Variants in SORCS2 observed in about 807,000 individuals in gnomAD.
The protein encoded by SORCS2 is VPS10 domain-containing receptor SorCS2.
In SORCS2, 100 loss-of-function variants were observed where a neutral mutation model predicts 141.6. The observed-to-expected ratio is 0.71, with a 90% CI of 0.60 to 0.83. SORCS2 has a LOEUF of 0.83. Among genes scored for constraint, SORCS2 ranks in the 40% least tolerant of loss-of-function variants. SORCS2 has a pLI of 0.00. For synonymous variants in SORCS2, 789 were observed against 676.9 expected, an observed-to-expected ratio of 1.17 and a Z score of -2.57; for missense variants, 1,646 against 1,560.2, an observed-to-expected ratio of 1.05 and a Z score of -0.93.
intron 1 of SORCS2, among the ~76,000 whole-genome samples, chr4:7,266,547 C>T (rs1714744444): frequency 2.0e-5 from 3 of 152,208 alleles, no homozygotes; most frequent in Admixed American, 2.0e-4. Flanking sequence ...CTACCCAAAG[C>T]ATCTGGGGCC....
At chr4:7,535,884 T>G (rs966859409) in intron 3 of SORCS2, among the ~76,000 whole-genome samples, 3 of 152,268 alleles carry the variant, frequency 2.0e-5, no homozygotes, top group Non-Finnish European at 4.4e-5. Context: ...TCAGGCTGCT[T>G]GCTCGTGGCA....
chr4:7,416,262 AG>A (rs1161775488), intron 2 of SORCS2, among the ~76,000 whole-genome samples: 15 of 152,124 alleles, frequency 9.9e-5, no homozygotes, highest in Admixed American at 6.5e-5. Flanking sequence ...AGGAAATTGC[AG>A]GGGTTTAGGG....
intron 2 of SORCS2, among the ~76,000 whole-genome samples, chr4:7,400,537 T>C (rs1724510123): frequency 6.6e-6 from 1 of 152,136 alleles, no homozygotes; most frequent in Non-Finnish European, 1.5e-5. Context: ...CTGCCAGGTT[T>C]ATCTTATTGA....
intron 12 of SORCS2, among the ~76,000 whole-genome samples, 180 bp from the exon 13 acceptor site, chr4:7,703,100 G>A (rs577872782): frequency 2.6e-5 from 4 of 152,192 alleles, no homozygotes; most frequent in Admixed American, 1.3e-4. Flanking sequence ...CGCTGAGTCC[G>A]CGTGGGCTGG....
chr4:7,710,948 G>A (rs537440669), intron 14 of SORCS2, among the ~76,000 whole-genome samples: 151 of 152,332 alleles, frequency 9.9e-4, no homozygotes, highest in African/African-American at 3.5e-3. Context: ...AAGCAGATGG[G>A]ACTGTGAGCC....
intron 2 of SORCS2, among the ~76,000 whole-genome samples, chr4:7,469,502 GA>G (rs1247980206): frequency 6.6e-6 from 1 of 152,232 alleles, no homozygotes; most frequent in Non-Finnish European, 1.5e-5. Flanking sequence ...TGATGTATCA[GA>G]ACCTCCAAAA....
At chr4:7,604,507 C>T (rs567084165) in intron 3 of SORCS2, among the ~76,000 whole-genome samples, 4 of 152,280 alleles carry the variant, frequency 2.6e-5, no homozygotes, top group East Asian at 3.9e-4. Flanking sequence ...TTAGTAGAGA[C>T]GGGGTTTCAC....
At chr4:7,674,590 A>T (rs1219288162) in intron 8 of SORCS2, among the ~76,000 whole-genome samples, 8 of 147,026 alleles carry the variant, frequency 5.4e-5, no homozygotes, top group African/African-American at 1.0e-4. Context: ...AAAAAAAAAA[A>T]AAAAAAAAAA....
intron 3 of SORCS2, among the ~76,000 whole-genome samples, chr4:7,619,499 C>G (rs970528092): frequency 2.6e-5 from 4 of 152,212 alleles, no homozygotes; most frequent in Admixed American, 2.6e-4. Context: ...AGTCCACACT[C>G]AGGGACATGA....
Position 7,718,221 on chromosome 4 carries a change from G to A in SORCS2, c.2424+38G>A, listed in dbSNP as rs766607954. 147 of 1,586,650 alleles carry A rather than the reference G, an allele frequency of 9.3e-5. No homozygotes were observed. The Admixed American group carries it at 2.0e-3, about 21-fold the overall frequency. On this transcript the variant is annotated intron_variant, in intron 18 of 26. Transcript: ENST00000507866. ...CTCCCAGCAGGCTCCTGGGACTGTC[G>A]GGCAGGGGCGGCTCCAACTGGGCAC...
At chr4:7,492,157 C>A (rs1167554663) in intron 2 of SORCS2, among the ~76,000 whole-genome samples, 5 of 152,236 alleles carry the variant, frequency 3.3e-5, no homozygotes, top group African/African-American at 1.2e-4. Flanking sequence ...GACAGCCTGG[C>A]CCTCTCTCCA....
intron 2 of SORCS2, among the ~76,000 whole-genome samples, chr4:7,468,772 G>A (rs1039345888): frequency 8.5e-5 from 13 of 152,182 alleles, no homozygotes; most frequent in African/African-American, 3.1e-4. Context: ...GGGGAGATTA[G>A]GTTTTTGAAA....
intron 1 of SORCS2, among the ~76,000 whole-genome samples, chr4:7,345,215 C>T (rs957221154): frequency 2.6e-5 from 4 of 152,212 alleles, no homozygotes; most frequent in Admixed American, 6.5e-5. Flanking sequence ...TACATCTTCT[C>T]AGTGTCTGCC....
chr4:7,376,195 C>A (rs746659126), intron 1 of SORCS2, among the ~76,000 whole-genome samples: 15 of 151,870 alleles, frequency 9.9e-5, no homozygotes, highest in Non-Finnish European at 1.8e-4. Flanking sequence ...CAAACAGGAT[C>A]TCTTTTGTAG....
intron 1 of SORCS2, among the ~76,000 whole-genome samples, chr4:7,271,464 C>G (rs1715124315): frequency 6.6e-6 from 1 of 152,186 alleles, no homozygotes; most frequent in South Asian, 2.1e-4. Context: ...AATACCCTTC[C>G]CCACTTCCTT....
intron 1 of SORCS2, among the ~76,000 whole-genome samples, chr4:7,229,023 C>T (rs999299738): frequency 6.6e-6 from 1 of 152,216 alleles, no homozygotes; most frequent in Non-Finnish European, 1.5e-5. Flanking sequence ...TGCTCTGCTT[C>T]GTGGCCTGGT....
chr4:7,412,435 A>T (rs1316589032), intron 2 of SORCS2, among the ~76,000 whole-genome samples: 1 of 152,144 alleles, frequency 6.6e-6, no homozygotes, highest in East Asian at 1.9e-4. Flanking sequence ...TCCCTGGCAG[A>T]GTGACAGCCC....
chr4:7,444,612 C>A (rs13147605), intron 2 of SORCS2, among the ~76,000 whole-genome samples: 2 of 152,074 alleles, frequency 1.3e-5, no homozygotes, highest in Non-Finnish European at 2.9e-5. Context: ...GTGGACTCTG[C>A]TTCTTCCTCT....
intron 2 of SORCS2, among the ~76,000 whole-genome samples, chr4:7,477,980 T>C (rs10755154): frequency 0.87 from 132,694 of 152,128 alleles, 58,433 homozygotes; most frequent in South Asian, 0.97. Flanking sequence ...CTCAGAATGG[T>C]GCCTGGGACA....
Sources: allele counts gnomAD v4.1 joint callset (sites outside exome capture counted in the v4.1 genomes callset), GRCh38; gene constraint gnomAD v4.1.1; transcripts MANE v1.5; gene names NCBI Gene and HGNC (gene_info 2026-07-23, HGNC 2026-07-21).